DST: variants seen among roughly 807,000 people sequenced by gnomAD.
DST encodes dystonin, also known as bullous pemphigoid antigen.
In DST, 253 loss-of-function variants were observed where a neutral mutation model predicts 875.2. That is an observed-to-expected ratio of 0.29 (90% confidence interval 0.26 to 0.32). The LOEUF (loss-of-function observed/expected upper bound fraction) is 0.32, where lower values mean the gene tolerates loss of function less well. Among genes scored for constraint, DST ranks in the 10% least tolerant of loss-of-function variants. DST has a pLI of 1.00. For synonymous variants in DST, 3,124 were observed against 3,197.1 expected (o/e 0.98, Z 0.77); for missense variants, 8,287 against 9,111.6 (o/e 0.91, Z 3.68).
At chr6:56,535,405 T>C in intron 62 of DST, 113 bp from the exon 63 acceptor site, 3 of 1,255,428 alleles carry the variant, frequency 2.4e-6, no homozygotes, top group Non-Finnish European at 3.2e-6. Context: ...AATTTTCTTT[T>C]ACTTTTCACT....
At chr6:56,815,005 C>T (rs887189973) in intron 4 of DST, among the ~76,000 whole-genome samples, 4 of 152,046 alleles carry the variant, frequency 2.6e-5, no homozygotes, top group South Asian at 2.1e-4. Context: ...GCCACACAGC[C>T]GAGGTTAGAA....
chr6:56,799,380 A>C (rs1480474198), intron 4 of DST, among the ~76,000 whole-genome samples: 3 of 151,164 alleles, frequency 2.0e-5, no homozygotes, highest in Non-Finnish European at 3.0e-5. Context: ...TAAATCACAT[A>C]CTATAGCTAA....
chr6:56,829,528 T>A (rs1246255774), intron 4 of DST, among the ~76,000 whole-genome samples: 1 of 152,168 alleles, frequency 6.6e-6, no homozygotes, highest in Admixed American at 6.5e-5. Context: ...GAAGGCATTT[T>A]AAAAGGGTTT....
At chr6:56,513,047 G>C (rs1236488354) in intron 72 of DST, among the ~76,000 whole-genome samples, 1 of 152,098 alleles carries the variant, frequency 6.6e-6, no homozygotes, top group Admixed American at 6.6e-5. Context: ...TGTTACATAC[G>C]TTCTCCTGTC....
chr6:56,542,556 G>T (rs1240255580), intron 61 of DST: 1 of 151,964 alleles, frequency 6.6e-6, no homozygotes, highest in Admixed American at 6.6e-5. Context: ...TAAGGCACAG[G>T]CAGCGTAATT....
At chr6:56,588,029 T>C (rs960444692) in intron 49 of DST, among the ~76,000 whole-genome samples, 12 of 151,408 alleles carry the variant, frequency 7.9e-5, no homozygotes, top group African/African-American at 2.9e-4. Flanking sequence ...CCAGCTAACA[T>C]CATAATGACA....
intron 58 of DST, among the ~76,000 whole-genome samples, chr6:56,558,292 T>C (rs988642283): frequency 6.6e-6 from 1 of 152,244 alleles, no homozygotes; most frequent in Non-Finnish European, 1.5e-5. Flanking sequence ...ATTTTTAGAG[T>C]GCATGTGATA....
chr6:56,762,470 C>G (rs2099619525), intron 4 of DST, among the ~76,000 whole-genome samples: 1 of 152,188 alleles, frequency 6.6e-6, no homozygotes, highest in Non-Finnish European at 1.5e-5. Context: ...GTGTTGCTAT[C>G]TGGAAATTGG....
chr6:56,872,169 TC>T (rs1777513951), intron 3 of DST, among the ~76,000 whole-genome samples: 1 of 152,096 alleles, frequency 6.6e-6, no homozygotes, highest in South Asian at 2.1e-4. Context: ...AAAACAAATG[TC>T]CCACTTACAG....
chr6:56,868,812 C>A (rs1029298242), intron 3 of DST, among the ~76,000 whole-genome samples: 1 of 152,126 alleles, frequency 6.6e-6, no homozygotes, highest in African/African-American at 2.4e-5. Context: ...TTGATTTGGC[C>A]TAACAGAAAT....
intron 61 of DST, among the ~76,000 whole-genome samples, chr6:56,537,723 C>T (rs1223697381): frequency 6.6e-6 from 1 of 152,162 alleles, no homozygotes; most frequent in East Asian, 1.9e-4. Context: ...CCCTTACTGT[C>T]TATCCCATCC....
Position 56,707,555 on chromosome 6 carries a change from A to T in DST, c.688-3186T>A, listed in dbSNP as rs2099345981. Reference sequence around the variant, plus strand: ...CATGATTACTTTGGGGACTTCCAGGATTGTAATAGTGCTGAGAATTCTGTG... The same window carrying T: ...CATGATTACTTTGGGGACTTCCAGGTTTGTAATAGTGCTGAGAATTCTGTG... On this transcript the variant is annotated intron_variant, in intron 5 of 103. Coordinates refer to ENST00000680361, the MANE Select transcript of DST (RefSeq NM_001374736.1). Among the ~76,000 whole-genome samples, 3 of 152,198 alleles carry T rather than the reference A, an allele frequency of 2.0e-5. No homozygotes were observed. In the South Asian group the frequency reaches 6.2e-4, roughly 32 times the overall value.
intron 3 of DST, among the ~76,000 whole-genome samples, chr6:56,880,674 G>A (rs1161614864): frequency 9.5e-5 from 14 of 146,836 alleles, no homozygotes; most frequent in Non-Finnish European, 1.2e-4. Flanking sequence ...ATGACAGAGT[G>A]AGACTCCGTC....
chr6:56,676,223 C>CCAT (rs1362722904), intron 9 of DST, among the ~76,000 whole-genome samples: 8 of 152,166 alleles, frequency 5.3e-5, no homozygotes, highest in African/African-American at 1.9e-4. Flanking sequence ...CCCACCACCA[C>CCAT]ACCTGGGTAA....
At chr6:56,847,596 T>C (rs2099808518) in intron 4 of DST, among the ~76,000 whole-genome samples, 1 of 152,218 alleles carries the variant, frequency 6.6e-6, no homozygotes. Flanking sequence ...ACCTTTGTTC[T>C]TGTAGTTCCA....
At chr6:56,694,582 C>A (rs1368567833) in intron 9 of DST, among the ~76,000 whole-genome samples, 2 of 152,084 alleles carry the variant, frequency 1.3e-5, no homozygotes, top group East Asian at 3.8e-4. Flanking sequence ...ATTCAAGAGA[C>A]TATAAATGTA....
At chr6:56,953,758 C>G in intron 2 of DST, 27 bp downstream of exon 2, 4 of 1,308,956 alleles carry the variant, frequency 3.1e-6, no homozygotes, top group Non-Finnish European at 4.0e-6. Context: ...TTCTTCTGAC[C>G]TTGAGCGTGC....
chr6:56,570,888 A>ACC (rs1236651729), intron 53 of DST, among the ~76,000 whole-genome samples: 2 of 152,212 alleles, frequency 1.3e-5, no homozygotes, highest in Non-Finnish European at 2.9e-5. Context: ...CAGGCACAGA[A>ACC]CCAGAAGGGA....
At chr6:56,939,308 G>A (rs1489774263) in intron 2 of DST, among the ~76,000 whole-genome samples, 1 of 152,228 alleles carries the variant, frequency 6.6e-6, no homozygotes, top group African/African-American at 2.4e-5. Context: ...GACCCCCAAA[G>A]AAGATTTTGG....
Sources: allele counts gnomAD v4.1 joint callset (sites outside exome capture counted in the v4.1 genomes callset), GRCh38; gene constraint gnomAD v4.1.1; transcripts MANE v1.5; gene names NCBI Gene and HGNC (gene_info 2026-07-23, HGNC 2026-07-21).